Variants in NIN observed in about 807,000 individuals in gnomAD.
NIN encodes the protein glycogen synthase kinase 3 beta-interacting protein.
In NIN, 137 loss-of-function variants were observed where a neutral mutation model predicts 257.6. The observed-to-expected ratio is 0.53, with a 90% CI of 0.46 to 0.61. NIN has a LOEUF of 0.61. Among genes scored for constraint, NIN ranks in the 20% least tolerant of loss-of-function variants. NIN has a pLI of 0.00. For missense variants in NIN, 2,439 were observed against 2,501.2 expected (o/e 0.98, Z 0.53); for synonymous variants, 918 against 919.8 (o/e 1.00, Z 0.04).
At chr14:50,783,565 C>G (rs968156575) in intron 5 of NIN, among the ~76,000 whole-genome samples, 1 of 151,444 alleles carries the variant, frequency 6.6e-6, no homozygotes, top group African/African-American at 2.4e-5. Context: ...TTCCTTCTAC[C>G]TAGTCTCCAC....
At chr14:50,780,211 G>T (rs2043079348) in intron 5 of NIN, among the ~76,000 whole-genome samples, 1 of 152,214 alleles carries the variant, frequency 6.6e-6, no homozygotes, top group African/African-American at 2.4e-5. Context: ...GTTATGGGGG[G>T]TTACTACAAC....
intron 4 of NIN, among the ~76,000 whole-genome samples, chr14:50,795,928 G>A (rs756927964): frequency 2.1e-4 from 32 of 152,142 alleles, no homozygotes; most frequent in Admixed American, 1.7e-3. Flanking sequence ...GCAGTGAGCC[G>A]AGACTGCGCC....
chr14:50,733,313 G>C (rs145914609), intron 28 of NIN, among the ~76,000 whole-genome samples: 1 of 151,990 alleles, frequency 6.6e-6, no homozygotes, highest in Admixed American at 6.6e-5. Flanking sequence ...CGCTGGTCTC[G>C]AACTCCTGAC....
At position 50,758,482 on chromosome 14, in the gene NIN, G is replaced by C; in HGVS notation, c.2548C>G (p.Gln850Glu). Residue 850 changes from glutamine to glutamate, a missense_variant, in exon 18 of 31, where the codon CAG (glutamine) becomes GAG (glutamate). Physicochemically the swap from Gln to Glu is conservative, Grantham distance 29. This residue lies in a region of NIN where 2,043 missense variants were observed against 2,050.2 expected (regional missense o/e 1.00). Transcript: ENST00000530997. ...YRQELKDLQE[Q>E]QREEKSQWEF... is the part of the protein sequence containing the mutation. ...CACTGGGATTTCTCCTCACGCTGCT[G>C]TTCCTGGAGGTCCTTCAGCTCTTGG... 1 of 1,614,232 alleles carries C rather than the reference G, an allele frequency of 6.2e-7. No homozygotes were observed. Among genetic ancestry groups the C allele is most frequent in the South Asian group, 1.1e-5 (1 of 91,090 alleles).
chr14:50,761,432 C>T (rs551134581), intron 16 of NIN, among the ~76,000 whole-genome samples: 1 of 152,294 alleles, frequency 6.6e-6, no homozygotes, highest in South Asian at 2.1e-4. Context: ...CAGTTGAAGT[C>T]TCATGGTGAA....
chr14:50,771,592 T>C, intron 9 of NIN, 124 bp from the exon 10 acceptor site: 4 of 1,030,582 alleles, frequency 3.9e-6, no homozygotes, highest in Middle Eastern at 2.1e-4. Context: ...GACAATTCCA[T>C]TGCTTTGGTG....
At position 50,721,327 on chromosome 14, in the gene NIN, A is replaced by C. The variant is rs2040266426; in HGVS notation, c.*2136T>G. The C allele has an allele frequency of 4.8e-6, 1 of 206,722 alleles. No homozygotes were observed. Among genetic ancestry groups the C allele is most frequent in the Non-Finnish European group, 9.9e-6 (1 of 101,260 alleles). 12.8% of individuals were successfully genotyped at this position (206,722 alleles called of 1,614,324 possible). On this transcript the variant is annotated 3_prime_UTR_variant, in exon 31 of 31. Coordinates refer to ENST00000530997, the MANE Select transcript of NIN (RefSeq NM_020921.4). ...TCATTGTACATTTTATATACACATA[A>C]ATACAAATTTATAGGAAATAAACAA...
chr14:50,813,899 G>A (rs925837793), intron 3 of NIN, among the ~76,000 whole-genome samples: 1 of 152,154 alleles, frequency 6.6e-6, no homozygotes, highest in Non-Finnish European at 1.5e-5. Flanking sequence ...TGTGTTAATT[G>A]AAACAGCTAC....
intron 28 of NIN, 101 bp downstream of exon 28, chr14:50,735,415 C>T (rs2040927348): frequency 1.4e-6 from 2 of 1,449,040 alleles, no homozygotes; most frequent in Non-Finnish European, 1.8e-6. Flanking sequence ...CTTAGATTTT[C>T]ACAACGGGAA....
At position 50,807,196 on chromosome 14, in the gene NIN, C is replaced by T. The variant is rs76304569; in HGVS notation, c.184-378G>A. Among the ~76,000 whole-genome samples, 991 of 152,270 alleles carry T rather than the reference C, an allele frequency of 6.5e-3. 15 individuals are homozygous for T. The highest frequency in any genetic ancestry group is 0.023 in the African/African-American group (946 of 41,564). On this transcript the variant is annotated intron_variant, in intron 3 of 30. Coordinates refer to ENST00000530997, the MANE Select transcript of NIN (RefSeq NM_020921.4). Reference sequence around the variant, plus strand: ...TTCCCAAGCAAATGATCCAATGTAACGATGTCCCAAAGATGCTTTCGTATC... The same window carrying T: ...TTCCCAAGCAAATGATCCAATGTAATGATGTCCCAAAGATGCTTTCGTATC...
chr14:50,810,163 G>A (rs560272952), intron 3 of NIN, among the ~76,000 whole-genome samples: 26 of 151,428 alleles, frequency 1.7e-4, no homozygotes, highest in East Asian at 9.7e-4. Context: ...CCCGGGAGGC[G>A]GAGCTTGCAG....
chr14:50,754,303 T>C (rs550492192), intron 20 of NIN, among the ~76,000 whole-genome samples: 2 of 152,300 alleles, frequency 1.3e-5, no homozygotes, highest in South Asian at 2.1e-4. Context: ...GTTTTAGAGG[T>C]ATCACCTCCT....
In NIN at chr14:50,757,498, C is replaced by T. The variant is rs2042083081; in HGVS notation, c.3532G>A (p.Glu1178Lys). 3 of 1,614,078 alleles carry T rather than the reference C, an allele frequency of 1.9e-6. No individual in the cohort carries two copies. Among genetic ancestry groups the T allele is most frequent in the African/African-American group, 1.3e-5 (1 of 75,006 alleles). Reference protein sequence around the residue: ...VKIEESEASVEGFSELENSEE... With the variant: ...VKIEESEASVKGFSELENSEE... Reference sequence around the variant, plus strand: ...CTGTTTTCAAGCTCAGAAAAACCCTCTACTGAAGCTTCAGACTCCTCTATT... The same window carrying T: ...CTGTTTTCAAGCTCAGAAAAACCCTTTACTGAAGCTTCAGACTCCTCTATT... Residue 1178 changes from glutamate (E) to lysine (K), a missense_variant, in exon 18 of 31, where the codon GAG becomes AAG. By Grantham distance (56) the Glu-to-Lys change is moderately conservative. Transcript: ENST00000530997.
intron 3 of NIN, among the ~76,000 whole-genome samples, chr14:50,808,016 A>G (rs1376180764): frequency 6.6e-6 from 1 of 152,234 alleles, no homozygotes; most frequent in Non-Finnish European, 1.5e-5. Context: ...ATATGTACAC[A>G]ATGTGAAATA....
chr14:50,753,966 A>G (rs2041913657), intron 20 of NIN, among the ~76,000 whole-genome samples: 1 of 152,176 alleles, frequency 6.6e-6, no homozygotes, highest in African/African-American at 2.4e-5. Flanking sequence ...AGTCCAAAAT[A>G]CATTTTGGAT....
chr14:50,755,648 CTTTTTTTTTTTT>C (rs71118900), intron 18 of NIN, among the ~76,000 whole-genome samples: 2 of 79,992 alleles, frequency 2.5e-5, no homozygotes, highest in East Asian at 4.4e-4. Context: ...TGTTTTGTCT[CTTTTTTTTTTTT>C]TTTTTTTTTT....
intron 11 of NIN, 134 bp downstream of exon 11, chr14:50,770,718 G>A: frequency 7.5e-7 from 1 of 1,335,626 alleles, no homozygotes; most frequent in Admixed American, 2.4e-5. Flanking sequence ...CCACATCTGA[G>A]TCACTCCAGC....
chr14:50,787,434 G>C (rs1185985278), intron 5 of NIN, among the ~76,000 whole-genome samples: 1 of 152,022 alleles, frequency 6.6e-6, no homozygotes, highest in African/African-American at 2.4e-5. Flanking sequence ...AATATTCAAG[G>C]GAAAAAATGT....
chr14:50,741,957 T>G (rs1330852363), intron 24 of NIN: 2 of 452,590 alleles, frequency 4.4e-6, no homozygotes, highest in African/African-American at 3.9e-5. Context: ...AAGGTATTGC[T>G]GATAGTCATC....
Sources: gnomAD v4.1 joint callset for allele counts (sites outside exome capture counted in the v4.1 genomes callset) on GRCh38, gnomAD v4.1.1 for gene constraint, gnomAD v4.1.1 regional missense constraint, MANE v1.5 for transcripts, NCBI Gene and HGNC (gene_info 2026-07-23, HGNC 2026-07-21) for gene names.